The following RSPH10B2 variants were observed in gnomAD, a reference collection of about 807,000 sequenced individuals.
The protein encoded by RSPH10B2 is radial spoke head 10 homolog B2 (Chlamydomonas).
In RSPH10B2, 9 loss-of-function variants were observed where a neutral mutation model predicts 49.0. The observed-to-expected ratio is 0.18, with a 90% CI of 0.11 to 0.32. RSPH10B2 has a LOEUF of 0.32. Ranked by LOEUF, RSPH10B2 falls within the 10% of genes least tolerant of loss-of-function variation. The probability of loss-of-function intolerance (pLI) is 1.00; values close to 1 mark genes in which losing one functional copy is unlikely to be tolerated. For synonymous variants in RSPH10B2, 35 were observed against 210.2 expected, an observed-to-expected ratio of 0.17 and a Z score of 7.21; for missense variants, 95 against 589.9, an observed-to-expected ratio of 0.16 and a Z score of 8.69.
At chr7:6,782,914 A>G (rs1304252801) in intron 13 of RSPH10B2, among the ~76,000 whole-genome samples, 30 of 125,248 alleles carry the variant, frequency 2.4e-4, no homozygotes, top group African/African-American at 9.4e-4. Context: ...GGGAGGATGG[A>G]TATCATTTAA....
At chr7:6,785,142 C>CGTGTGT (rs370307535) in intron 13 of RSPH10B2, among the ~76,000 whole-genome samples, 7 of 63,702 alleles carry the variant, frequency 1.1e-4, no homozygotes, top group Admixed American at 3.5e-4. Context: ...GAGGTAAATA[C>CGTGTGT]GTGTGTGTGT....
chr7:6,791,312 A>G (rs1424849933), intron 16 of RSPH10B2, among the ~76,000 whole-genome samples: 1 of 140,140 alleles, frequency 7.1e-6, no homozygotes, highest in Non-Finnish European at 1.5e-5. Flanking sequence ...GGTATCATTA[A>G]TTTTATACAA....
chr7:6,796,275 C>T (rs1349142319), intron 17 of RSPH10B2, among the ~76,000 whole-genome samples: 1 of 123,164 alleles, frequency 8.1e-6, no homozygotes, highest in Non-Finnish European at 1.8e-5. Flanking sequence ...GATCACGCCA[C>T]TGCACTCCAG....
intron 10 of RSPH10B2, among the ~76,000 whole-genome samples, chr7:6,776,942 C>T (rs974096443): frequency 7.5e-6 from 1 of 133,662 alleles, no homozygotes; most frequent in Non-Finnish European, 1.6e-5. Context: ...GCAGGGGTCC[C>T]CAACCCCCAG....
At chr7:6,784,626 C>T (rs1782074490) in intron 13 of RSPH10B2, among the ~76,000 whole-genome samples, 1 of 111,380 alleles carries the variant, frequency 9.0e-6, no homozygotes, top group Non-Finnish European at 1.7e-5. Flanking sequence ...AGTGCGGTGG[C>T]ACGATCTCAC....
chr7:6,752,418 A>G (rs1477857444), upstream of RSPH10B2, among the ~76,000 whole-genome samples: 1 of 121,208 alleles, frequency 8.3e-6, no homozygotes, highest in African/African-American at 3.3e-5. Context: ...AACTTGGCTG[A>G]AAATGGAAGT....
intron 17 of RSPH10B2, among the ~76,000 whole-genome samples, chr7:6,793,555 T>G (rs984709389): frequency 8.1e-6 from 1 of 123,394 alleles, no homozygotes; most frequent in Non-Finnish European, 1.6e-5. Flanking sequence ...TAGGAAAATC[T>G]CTTCTCTTGG....
In RSPH10B2 at chr7:6,763,429, ACT is replaced by A. The variant is rs1403350517; in HGVS notation, c.400-496_400-495del. The stretch of plus-strand genomic sequence containing the variant: ...ACTACAGCCTGGGCGACAGAGTGAG[ACT>A]CTGTCTCAAAAATAAAAACAAAAAT... On this transcript the variant is annotated intron_variant, in intron 3 of 18. Transcript: ENST00000297186. 3.5e-5 allele frequency among the ~76,000 whole-genome samples: 4 copies of A among 114,914 alleles called. 1 individual carries two copies. Among genetic ancestry groups the A allele is most frequent in the Non-Finnish European group, 7.1e-5 (4 of 56,306 alleles). The allele number at this position is 114,914 out of a possible 152,430, so 75.4% of individuals were successfully genotyped here. A position where few individuals can be genotyped will look rare whatever the true frequency, so the allele number is the denominator to read the frequency against.
At chr7:6,764,783 G>A (rs1367804231) in intron 4 of RSPH10B2, among the ~76,000 whole-genome samples, 1 of 148,350 alleles carries the variant, frequency 6.7e-6, no homozygotes, top group Non-Finnish European at 1.5e-5. Context: ...ATTGGGGGTG[G>A]TGACTTCTAG....
upstream of RSPH10B2, among the ~76,000 whole-genome samples, chr7:6,756,396 G>GTT (rs750509615): frequency 1.5e-5 from 1 of 66,622 alleles, no homozygotes; most frequent in Admixed American, 1.6e-4. Context: ...GTTTTGTTTT[G>GTT]TTTTTTTTGA....
chr7:6,769,738 G>A (rs1583506980), intron 7 of RSPH10B2, among the ~76,000 whole-genome samples: 1 of 112,932 alleles, frequency 8.9e-6, no homozygotes, highest in South Asian at 2.4e-4. Context: ...ACAGGTGTGC[G>A]CCACCACGCC....
At chr7:6,793,949 A>G (rs1181707911) in intron 17 of RSPH10B2, among the ~76,000 whole-genome samples, 289 of 151,134 alleles carry the variant, frequency 1.9e-3, no homozygotes, top group African/African-American at 6.9e-3. Flanking sequence ...GGCTGTGTAC[A>G]TGCTCACCTT....
At chr7:6,757,882 G>T in exon 1 of RSPH10B2, 1 of 1,564,250 alleles carries the variant, frequency 6.4e-7, no homozygotes, top group South Asian at 1.2e-5. Context: ...GCAGAACGAA[G>T]ATGCCAGCCA....
chr7:6,777,049 G>T (rs1347783111), intron 10 of RSPH10B2, among the ~76,000 whole-genome samples: 3 of 44,130 alleles, frequency 6.8e-5, no homozygotes, highest in African/African-American at 3.5e-4. Context: ...CTGTTTTTTT[G>T]TTTTGTTTTG....
chr7:6,781,882 A>G (rs1781948207), intron 13 of RSPH10B2, among the ~76,000 whole-genome samples: 1 of 107,972 alleles, frequency 9.3e-6, no homozygotes. Context: ...ATATATATAT[A>G]TAAATATATA....
At position 6,780,749 on chromosome 7, in the gene RSPH10B2, G is replaced by T. The variant is rs1781902123; in HGVS notation, c.1530-60G>T. 3.1e-6 allele frequency: 4 copies of T among 1,302,750 alleles called. 1 individual carries two copies. The highest frequency in any genetic ancestry group is 5.2e-5 in the Admixed American group (2 of 38,610). The allele number at this position is 1,302,750 out of a possible 1,614,324, so 80.7% of individuals were successfully genotyped here. A position where few individuals can be genotyped will look rare whatever the true frequency, so the allele number is the denominator to read the frequency against. ...GTCTAGCCCGTGCTCAAGGAGAAGG[G>T]AATTATGTTCCCTCTTTTGGAGGAG... On this transcript the variant is annotated intron_variant, in intron 11 of 18. Transcript: ENST00000297186.
At chr7:6,764,834 C>T (rs1214632604) in intron 4 of RSPH10B2, among the ~76,000 whole-genome samples, 1 of 129,070 alleles carries the variant, frequency 7.7e-6, no homozygotes, top group Non-Finnish European at 1.6e-5. Flanking sequence ...ATGAGTTTGC[C>T]TGATCATGAG....
chr7:6,778,205 CT>C (rs1449880989), intron 10 of RSPH10B2, among the ~76,000 whole-genome samples: 1 of 104,114 alleles, frequency 9.6e-6, no homozygotes, highest in Non-Finnish European at 2.0e-5. Context: ...CTCTCTCCCC[CT>C]GACCAGCGAT....
At chr7:6,752,118 G>C (rs1060836), upstream of RSPH10B2, among the ~76,000 whole-genome samples, 23,169 of 144,590 alleles carry the variant, frequency 0.16, 249 homozygotes, top group East Asian at 0.25. Flanking sequence ...TCTCAGCCCT[G>C]ATTCACATTA....
Sources: allele counts gnomAD v4.1 joint callset (sites outside exome capture counted in the v4.1 genomes callset), GRCh38; gene constraint gnomAD v4.1.1; transcripts MANE v1.5; gene names NCBI Gene and HGNC (gene_info 2026-07-23, HGNC 2026-07-21).